SETBP1: variants seen among roughly 807,000 people sequenced by gnomAD.
SETBP1 encodes the protein SET binding protein 1, also known as SET-binding protein.
In SETBP1, 9 loss-of-function variants were observed where a neutral mutation model predicts 101.0. The ratio of observed to expected loss-of-function variants is 0.09; its 90% confidence interval spans 0.05 to 0.16. The LOEUF is 0.16. Among genes scored for constraint, SETBP1 ranks in the 10% least tolerant of loss-of-function variants. The probability of loss-of-function intolerance (pLI) is 1.00; values close to 1 mark genes in which losing one functional copy is unlikely to be tolerated. For missense variants in SETBP1, 1,858 were observed against 2,033.8 expected (o/e 0.91, Z 1.66); for synonymous variants, 818 against 788.5 (o/e 1.04, Z -0.63).
rs8083328 is a variant in SETBP1, at chr18:44,971,869, T to A, written c.4000+18529T>A. On this transcript the variant is annotated intron_variant, in intron 4 of 5. Transcript: ENST00000649279. ...GTAGTTTCTTTTGCTGTGCAGAAGC[T>A]CTTTAGTTTAATTAGATCCCATTTG... Among the ~76,000 whole-genome samples, 4 of 151,912 alleles carry A rather than the reference T, an allele frequency of 2.6e-5. No individual in the cohort carries two copies. The South Asian group carries it at 6.2e-4, about 24-fold the overall frequency.
At chr18:45,051,753 CTT>C (rs1291212949) in intron 5 of SETBP1, among the ~76,000 whole-genome samples, 1 of 152,180 alleles carries the variant, frequency 6.6e-6, no homozygotes, top group Non-Finnish European at 1.5e-5. Context: ...CTTGGTGACT[CTT>C]AATAAATTCC....
Position 44,851,492 on chromosome 18 carries a change from G to A in SETBP1, c.487-17738G>A, listed in dbSNP as rs145228236. Among the ~76,000 whole-genome samples the A allele has an allele frequency of 8.5e-5, 13 of 152,266 alleles. No homozygotes were observed. The East Asian group carries it at 2.5e-3, about 29-fold the overall frequency. On this transcript the variant is annotated intron_variant, in intron 2 of 5. Coordinates refer to ENST00000649279, the MANE Select transcript of SETBP1 (RefSeq NM_015559.3). ...AAAACACCTGGACTCAGCTCTTCTGGCCACCTTTGCATCTTTATTGTTCTT... is the reference window on the plus strand; with the variant it reads ...AAAACACCTGGACTCAGCTCTTCTGACCACCTTTGCATCTTTATTGTTCTT...
intron 2 of SETBP1, among the ~76,000 whole-genome samples, chr18:44,836,858 A>G (rs2072505838): frequency 6.6e-6 from 1 of 152,196 alleles, no homozygotes. Flanking sequence ...GTGAGGAACA[A>G]GGACATCTTG....
intron 4 of SETBP1, among the ~76,000 whole-genome samples, chr18:44,971,534 A>C (rs1233804220): frequency 3.3e-5 from 5 of 151,988 alleles, no homozygotes; most frequent in East Asian, 1.9e-4. Context: ...CTCTCCAGCA[A>C]CTGTTGTTTC....
At chr18:44,730,187 C>T (rs1392863085) in intron 2 of SETBP1, among the ~76,000 whole-genome samples, 3 of 152,168 alleles carry the variant, frequency 2.0e-5, no homozygotes, top group African/African-American at 7.2e-5. Context: ...TGGTTCTGTG[C>T]ATTTTACTAT....
chr18:44,968,732 A>T (rs2071776304), intron 4 of SETBP1, among the ~76,000 whole-genome samples: 1 of 152,162 alleles, frequency 6.6e-6, no homozygotes, highest in Non-Finnish European at 1.5e-5. Flanking sequence ...GGCAACAGTG[A>T]GTTTTTCTCA....
In SETBP1 at chr18:44,807,017, A is replaced by G. The variant is rs140686503; in HGVS notation, c.487-62213A>G. ...GTTCTCAGTAAGCCCCAGAGAGCTA[A>G]TATAGAACTGGGTTCAAAACTGCAT... On this transcript the variant is annotated intron_variant, in intron 2 of 5. Coordinates refer to ENST00000649279, the MANE Select transcript of SETBP1 (RefSeq NM_015559.3). Among the ~76,000 whole-genome samples, 1,010 of 152,226 alleles carry G rather than the reference A, an allele frequency of 6.6e-3. 10 individuals are homozygous for G. The highest frequency in any genetic ancestry group is 0.023 in the African/African-American group (960 of 41,542).
chr18:44,876,901 G>T (rs1291232865), intron 3 of SETBP1: 2 of 1,369,090 alleles, frequency 1.5e-6, no homozygotes, highest in Non-Finnish European at 9.4e-7. Context: ...ATTCTCTCTG[G>T]GTCTAAAAGA....
intron 2 of SETBP1, among the ~76,000 whole-genome samples, chr18:44,725,984 C>T (rs1482519484): frequency 6.6e-6 from 1 of 152,118 alleles, no homozygotes; most frequent in East Asian, 1.9e-4. Context: ...AGGGGATGGG[C>T]ATCTCCTGGC....
intron 4 of SETBP1, among the ~76,000 whole-genome samples, chr18:44,992,909 A>G (rs2072409983): frequency 6.6e-6 from 1 of 152,074 alleles, no homozygotes; most frequent in African/African-American, 2.4e-5. Context: ...TAAAAATTCC[A>G]GACAAAATAA....
Position 44,916,055 on chromosome 18 carries a change from A to G in SETBP1, c.541-33826A>G, listed in dbSNP as rs113280614. Among the ~76,000 whole-genome samples the G allele has an allele frequency of 5.1e-3, 783 of 152,114 alleles. 8 individuals are homozygous for G. Among genetic ancestry groups the G allele is most frequent in the African/African-American group, 0.018 (735 of 41,486 alleles). On this transcript the variant is annotated intron_variant, in intron 3 of 5. Coordinates refer to ENST00000649279, the MANE Select transcript of SETBP1 (RefSeq NM_015559.3). The stretch of plus-strand genomic sequence containing the variant: ...AGCCTGGGCAACATGGTGAAAGCCC[A>G]TCTCTACTAAAAATGCAAAAATTAG...
chr18:44,972,781 G>A (rs1321313654), intron 4 of SETBP1, among the ~76,000 whole-genome samples: 1 of 152,214 alleles, frequency 6.6e-6, no homozygotes. Flanking sequence ...TTTGGGCTGA[G>A]ATGATGGGGT....
intron 4 of SETBP1, among the ~76,000 whole-genome samples, chr18:44,984,922 C>T (rs535867547): frequency 2.0e-5 from 3 of 152,250 alleles, no homozygotes; most frequent in Non-Finnish European, 2.9e-5. Context: ...GGGCAGATCA[C>T]CTGAGGTCAG....
At chr18:44,738,278 G>A (rs1394093781) in intron 2 of SETBP1, among the ~76,000 whole-genome samples, 1 of 152,190 alleles carries the variant, frequency 6.6e-6, no homozygotes, top group African/African-American at 2.4e-5. Flanking sequence ...ATGTGCCTAT[G>A]TTGACATCTC....
chr18:44,834,728 C>G (rs1031137267), intron 2 of SETBP1, among the ~76,000 whole-genome samples: 1 of 152,218 alleles, frequency 6.6e-6, no homozygotes, highest in Non-Finnish European at 1.5e-5. Context: ...GATAGAATTA[C>G]TTGCCCTCAA....
At chr18:44,986,943 T>TATAGTATAGTATA (rs1568011145) in intron 4 of SETBP1, 5 of 60,434 alleles carry the variant, frequency 8.3e-5, no homozygotes, top group Admixed American at 3.0e-4. Flanking sequence ...AGTATAGTAT[T>TATAGTATAGTATA]GTATTGTATT....
intron 3 of SETBP1, among the ~76,000 whole-genome samples, chr18:44,945,145 C>CG (rs1296923338): frequency 2.0e-5 from 3 of 152,084 alleles, no homozygotes; most frequent in African/African-American, 7.2e-5. Flanking sequence ...GCTATCCCTC[C>CG]GCTCCCCGCC....
chr18:44,859,808 A>G (rs1008582210), intron 2 of SETBP1, among the ~76,000 whole-genome samples: 3 of 152,138 alleles, frequency 2.0e-5, no homozygotes, highest in African/African-American at 7.2e-5. Context: ...AACTTTTACA[A>G]TTATAAAAGT....
intron 2 of SETBP1, 146 bp from the exon 3 acceptor site, chr18:44,869,084 T>C (rs2069207977): frequency 9.6e-6 from 7 of 728,950 alleles, no homozygotes; most frequent in Non-Finnish European, 1.7e-5. Flanking sequence ...AGATTCCCAG[T>C]CCAGAAATCT....
Sources: gnomAD v4.1 joint callset for allele counts (sites outside exome capture counted in the v4.1 genomes callset) on GRCh38, gnomAD v4.1.1 for gene constraint, MANE v1.5 for transcripts, NCBI Gene and HGNC (gene_info 2026-07-23, HGNC 2026-07-21) for gene names.